Variants in CAMK2G observed in about 807,000 individuals in gnomAD.
The protein encoded by CAMK2G is calcium/calmodulin-dependent protein kinase type II subunit gamma.
In CAMK2G, 23 loss-of-function variants were observed where a neutral mutation model predicts 88.7. The observed-to-expected ratio is 0.26, with a 90% CI of 0.19 to 0.37. The LOEUF (loss-of-function observed/expected upper bound fraction) is 0.37. Among genes scored for constraint, CAMK2G ranks in the 10% least tolerant of loss-of-function variants. The pLI, the probability that CAMK2G is intolerant of heterozygous loss-of-function variation, is 1.00. For missense variants in CAMK2G, 476 were observed against 780.8 expected (o/e 0.61, Z 4.65); for synonymous variants, 263 against 294.8 (o/e 0.89, Z 1.11).
intron 10 of CAMK2G, 121 bp downstream of exon 10, chr10:73,847,104 C>T: frequency 1.9e-6 from 2 of 1,032,654 alleles, no homozygotes; most frequent in Admixed American, 2.1e-5. Context: ...CTCTGCCCGC[C>T]TGCTCAGTTA....
At position 73,852,330 on chromosome 10, in the gene CAMK2G, C is replaced by A; in HGVS notation, c.276-11G>T. ...TCCCCGCCGGTAACACTGCAACCAA[C>A]GGGAAGAAGAGGGTCAGAGGCAGAA... On this transcript the variant is annotated splice_polypyrimidine_tract_variant and intron_variant, in intron 4 of 22. Transcript: ENST00000423381. 1 of 1,613,066 alleles carries A rather than the reference C, an allele frequency of 6.2e-7. No homozygotes were observed. Among genetic ancestry groups the A allele is most frequent in the East Asian group, 2.2e-5 (1 of 44,890 alleles).
At chr10:73,853,342 G>A in intron 3 of CAMK2G, 96 bp from the exon 4 acceptor site, 1 of 1,033,046 alleles carries the variant, frequency 9.7e-7, no homozygotes, top group Non-Finnish European at 1.5e-6. Flanking sequence ...CATCCTGTCG[G>A]GCTCACAGGG....
intron 2 of CAMK2G, among the ~76,000 whole-genome samples, chr10:73,872,645 G>A (rs866569146): frequency 6.6e-6 from 1 of 152,132 alleles, no homozygotes; most frequent in Admixed American, 6.5e-5. Context: ...AGCCACCACT[G>A]CCCCAAAGGG....
intron 2 of CAMK2G, among the ~76,000 whole-genome samples, chr10:73,868,536 G>A (rs2095678286): frequency 6.6e-6 from 1 of 152,204 alleles, no homozygotes. Context: ...TATGCAGGAT[G>A]CCCATTTCTC....
intron 10 of CAMK2G, among the ~76,000 whole-genome samples, chr10:73,845,606 G>A (rs917768736): frequency 4.0e-5 from 6 of 150,162 alleles, no homozygotes; most frequent in East Asian, 1.9e-4. Flanking sequence ...GAAAACCATC[G>A]TCTTGTCTCA....
Position 73,871,605 on chromosome 10 carries a change from G to A in CAMK2G, c.160+1384C>T, listed in dbSNP as rs2095832789. 1.3e-5 allele frequency among the ~76,000 whole-genome samples: 2 copies of A among 152,154 alleles called. 1 individual carries two copies. Among genetic ancestry groups the A allele is most frequent in the South Asian group, 4.1e-4 (2 of 4,830 alleles). On this transcript the variant is annotated intron_variant, in intron 2 of 22. Transcript: ENST00000423381. ...TTGGCCAGAGGATGTCTGCCAGAGA[G>A]CCCAGCCCCTGTTGTCCCCCCCACC...
intron 3 of CAMK2G, among the ~76,000 whole-genome samples, chr10:73,859,911 G>A (rs1029220203): frequency 2.6e-5 from 4 of 152,174 alleles, no homozygotes; most frequent in Non-Finnish European, 4.4e-5. Flanking sequence ...AGCCCTGGCC[G>A]CCAACAGAGC....
At chr10:73,829,589 C>A (rs138343545) in intron 14 of CAMK2G, among the ~76,000 whole-genome samples, 1,559 of 152,044 alleles carry the variant, frequency 0.01, 18 homozygotes, top group African/African-American at 0.036. Flanking sequence ...CGTGAGCCAC[C>A]GCACACAGCC....
intron 2 of CAMK2G, among the ~76,000 whole-genome samples, chr10:73,870,388 G>A (rs1385567342): frequency 6.6e-6 from 1 of 152,114 alleles, no homozygotes; most frequent in Non-Finnish European, 1.5e-5. Flanking sequence ...ACGCATATCC[G>A]CATGAACTCC....
In CAMK2G at chr10:73,862,307, C is replaced by T. The variant is rs867389749; in HGVS notation, c.161-1418G>A. Among the ~76,000 whole-genome samples the T allele has an allele frequency of 1.0e-4, 15 of 145,796 alleles. No individual in the cohort carries two copies. In the East Asian group the frequency reaches 1.2e-3, roughly 12 times the overall value. ...TCTCCCTCCTACTCCACCCCCCCCCCCCCCGATTTCCCAATGCACTTCTCA... is the reference window on the plus strand; with the variant it reads ...TCTCCCTCCTACTCCACCCCCCCCCTCCCCGATTTCCCAATGCACTTCTCA... On this transcript the variant is annotated intron_variant, in intron 2 of 22. Transcript: ENST00000423381.
In CAMK2G at chr10:73,824,091, G is replaced by T. The variant is rs372780829; in HGVS notation, c.1156-7C>A. The stretch of plus-strand genomic sequence containing the variant: ...CCACAGTGGTTTGTGGCTCCTGTGA[G>T]AGAAGATGAAGATTACCCTTCCGAC... On this transcript the variant is annotated splice_region_variant and splice_polypyrimidine_tract_variant and intron_variant, in intron 16 of 22. Transcript: ENST00000423381. 3.1e-6 allele frequency: 5 copies of T among 1,611,516 alleles called. No individual in the cohort carries two copies. In the African/African-American group the frequency reaches 5.3e-5, roughly 17 times the overall value.
At chr10:73,859,624 G>A (rs2095273704) in intron 3 of CAMK2G, among the ~76,000 whole-genome samples, 1 of 152,222 alleles carries the variant, frequency 6.6e-6, no homozygotes, top group Non-Finnish European at 1.5e-5. Context: ...CCAGCTGAGA[G>A]GTGCTGGCTC....
rs999970282 is a variant in CAMK2G at position 73,847,893 on chromosome 10, G to T, written c.696+95C>A. On this transcript the variant is annotated intron_variant, in intron 9 of 22. Transcript: ENST00000423381. ...AAGTCCCCTGACACCCCCGTATCAC[G>T]TGACACACTAAACAAGCCTGCTCCC... 3 of 751,618 alleles carry T rather than the reference G, an allele frequency of 4.0e-6. No individual in the cohort carries two copies. The East Asian group carries it at 7.4e-5, about 19-fold the overall frequency. The allele number at this position is 751,618 out of a possible 1,614,324, so 46.6% of individuals were successfully genotyped here. A position where few individuals can be genotyped will look rare whatever the true frequency, so the allele number is the denominator to read the frequency against.
At chr10:73,860,030 C>G (rs1454829425) in intron 3 of CAMK2G, among the ~76,000 whole-genome samples, 1 of 152,224 alleles carries the variant, frequency 6.6e-6, no homozygotes, top group Non-Finnish European at 1.5e-5. Flanking sequence ...TCAGGGAAAA[C>G]CTAGGAGATG....
At chr10:73,866,695 C>A (rs934319315) in intron 2 of CAMK2G, among the ~76,000 whole-genome samples, 1 of 152,214 alleles carries the variant, frequency 6.6e-6, no homozygotes, top group African/African-American at 2.4e-5. Flanking sequence ...GATTTCAGGG[C>A]TCCATGGGAG....
intron 21 of CAMK2G, chr10:73,816,431 A>C (rs987472259): frequency 9.4e-7 from 1 of 1,062,324 alleles, no homozygotes; most frequent in African/African-American, 1.7e-5. Flanking sequence ...TTTCCTTCCA[A>C]TCCGTCTTGG....
At chr10:73,853,356 TC>T in intron 3 of CAMK2G, 110 bp from the exon 4 acceptor site, 2 of 934,746 alleles carry the variant, frequency 2.1e-6, no homozygotes, top group Non-Finnish European at 3.4e-6. Flanking sequence ...CACAGGGCTC[TC>T]CAGAAGGAGC....
intron 17 of CAMK2G, among the ~76,000 whole-genome samples, chr10:73,823,666 G>A (rs1056983374): frequency 1.3e-5 from 2 of 152,188 alleles, no homozygotes; most frequent in African/African-American, 2.4e-5. Context: ...AAACATCAAG[G>A]GCACAAAGGG....
chr10:73,874,292 C>A lies in CAMK2G; in HGVS notation c.65+105G>T, dbSNP rs2095997594. 5.4e-6 allele frequency: 3 copies of A among 555,074 alleles called. No individual in the cohort carries two copies. In the East Asian group the frequency reaches 1.5e-4, roughly 28 times the overall value. 34.4% of individuals were successfully genotyped at this position (555,074 alleles called of 1,614,324 possible). A position where few individuals can be genotyped will look rare whatever the true frequency, so the allele number is the denominator to read the frequency against. On this transcript the variant is annotated intron_variant, in intron 1 of 22. Transcript: ENST00000423381. ...GCGGGAAAGGCGGGGGTGGGGCGGC[C>A]GAGGGGGAGCCGCAGCGGCCGGTGC...
Sources: gnomAD v4.1 joint callset for allele counts (sites outside exome capture counted in the v4.1 genomes callset) on GRCh38, gnomAD v4.1.1 for gene constraint, MANE v1.5 for transcripts, NCBI Gene and HGNC (gene_info 2026-07-23, HGNC 2026-07-21) for gene names.